The following COQ5 variants were observed in gnomAD, a reference collection of about 807,000 sequenced individuals.
COQ5 encodes the protein 2-methoxy-6-polyprenyl-1,4-benzoquinol methylase, mitochondrial.
COQ5 carries 27 observed loss-of-function variants against 40.5 expected under a neutral mutation model. That is an observed-to-expected ratio of 0.67 (90% CI 0.49 to 0.92). COQ5 has a LOEUF of 0.92. COQ5 is among the 40% of genes least tolerant of loss of function. COQ5 has a pLI of 0.00. For missense variants in COQ5, 409 were observed against 406.4 expected (o/e 1.01, Z -0.06); for synonymous variants, 141 against 150.0 (o/e 0.94, Z 0.44).
At chr12:120,526,238 T>G (rs1869937033) in intron 1 of COQ5, among the ~76,000 whole-genome samples, 1 of 152,216 alleles carries the variant, frequency 6.6e-6, no homozygotes, top group Admixed American at 6.6e-5. Context: ...TTGTATTGCC[T>G]CTTTATCTTT....
Position 120,503,865 on chromosome 12 carries a change from T to C in COQ5, c.903A>G (p.Ile301Met), listed in dbSNP as rs1479569292. 6.2e-7 allele frequency: 1 copy of C among 1,614,100 alleles called. No individual in the cohort carries two copies. The highest frequency in any genetic ancestry group is 8.5e-7 in the Non-Finnish European group (1 of 1,179,914). Residue 301 changes from isoleucine to methionine, a missense_variant, in exon 7 of 7, where the codon ATA (isoleucine) becomes ATG (methionine). By Grantham distance (10) the Ile-to-Met change is conservative. Transcript: ENST00000288532. The stretch of plus-strand genomic sequence containing the variant: ...TCACCTTGTGAAAGCCTGCATCTTC[T>C]ATCATGTCCTTGAACTCTTCCTGAA... ...FPSQEEFKDM[I>M]EDAGFHKVTY...
chr12:120,522,806 A>G (rs1869733768), intron 1 of COQ5: 5 of 669,802 alleles, frequency 7.5e-6, no homozygotes, highest in Non-Finnish European at 1.3e-5. Flanking sequence ...ACATTTCCCA[A>G]GCCTGGGGGT....
chr12:120,522,408 C>G, intron 1 of COQ5, 45 bp from the exon 2 acceptor site: 2 of 1,598,098 alleles, frequency 1.3e-6, no homozygotes, highest in Non-Finnish European at 1.7e-6. Flanking sequence ...AACAGAATTC[C>G]CTTAGAAAAA....
At chr12:120,522,611 C>A in intron 1 of COQ5, 1 of 649,452 alleles carries the variant, frequency 1.5e-6, no homozygotes. Flanking sequence ...GATGGCAGTC[C>A]AGGGGGGTCA....
At chr12:120,523,134 C>T (rs541423834) in intron 1 of COQ5, 5 of 281,984 alleles carry the variant, frequency 1.8e-5, no homozygotes, top group East Asian at 6.6e-5. Context: ...GTCAGGAGAT[C>T]GAGACCATCC....
Position 120,508,736 on chromosome 12 carries a change from A to C in COQ5, c.681+1281T>G, listed in dbSNP as rs372568444. ...TTTTGAACTTTGAACCTATTAAAAA[A>C]TTTTTTTCCCCAGGCGTGGTGGCTC... is the stretch of plus-strand genomic sequence containing the variant. On this transcript the variant is annotated intron_variant, in intron 4 of 6. Transcript: ENST00000288532. Among the ~76,000 whole-genome samples, 52 of 152,122 alleles carry C rather than the reference A, an allele frequency of 3.4e-4. No homozygotes were observed. In the East Asian group the frequency reaches 8.9e-3, roughly 26 times the overall value.
rs369928229 is a variant in COQ5, at chr12:120,505,001, C to A, written c.682-18G>T. On this transcript the variant is annotated intron_variant, in intron 4 of 6. Coordinates refer to ENST00000288532, the MANE Select transcript of COQ5 (RefSeq NM_032314.4). ...TGGAGTGCCTGAGCAAGACAAGGAA[C>A]AACAGGACACACTCCTCAGTAGACC... The A allele has an allele frequency of 1.3e-6, 2 of 1,597,940 alleles. No individual in the cohort carries two copies. The highest frequency in any genetic ancestry group is 8.6e-7 in the Non-Finnish European group (1 of 1,165,508).
chr12:120,521,822 C>A (rs1054408895), intron 2 of COQ5, among the ~76,000 whole-genome samples: 1 of 152,024 alleles, frequency 6.6e-6, no homozygotes, highest in African/African-American at 2.4e-5. Context: ...CACAGTGAAA[C>A]CCCGTCTCTA....
chr12:120,528,332 A>C (rs1036058910), intron 1 of COQ5, among the ~76,000 whole-genome samples: 1 of 152,198 alleles, frequency 6.6e-6, no homozygotes, highest in African/African-American at 2.4e-5. Context: ...CCACTTACTG[A>C]TATGTTCAAC....
chr12:120,522,122 G>A (rs1170312533), intron 2 of COQ5, 92 bp downstream of exon 2: 15 of 1,335,580 alleles, frequency 1.1e-5, no homozygotes, highest in Admixed American at 1.8e-5. Context: ...ACCATCTTCC[G>A]CCTCGTGTTA....
intron 2 of COQ5, among the ~76,000 whole-genome samples, chr12:120,519,870 C>CAAA (rs1176340696): frequency 2.0e-5 from 2 of 99,178 alleles, no homozygotes; most frequent in Non-Finnish European, 4.1e-5. Context: ...GACTTGGACT[C>CAAA]AAAAAAAAAA....
At chr12:120,524,428 T>C (rs1283579863) in intron 1 of COQ5, among the ~76,000 whole-genome samples, 1 of 138,530 alleles carries the variant, frequency 7.2e-6, no homozygotes, top group Non-Finnish European at 1.7e-5. Flanking sequence ...GCCCAGCTAA[T>C]TTTTTGTATT....
At chr12:120,521,771 C>T (rs983121805) in intron 2 of COQ5, among the ~76,000 whole-genome samples, 1 of 151,542 alleles carries the variant, frequency 6.6e-6, no homozygotes, top group African/African-American at 2.4e-5. Flanking sequence ...CCGAGGCAGG[C>T]AGACTGCCTG....
intron 3 of COQ5, among the ~76,000 whole-genome samples, chr12:120,514,406 C>G (rs1331359548): frequency 6.6e-6 from 1 of 152,072 alleles, no homozygotes; most frequent in East Asian, 1.9e-4. Flanking sequence ...CAGTGGCCAT[C>G]TGTGGTCCCT....
intron 2 of COQ5, among the ~76,000 whole-genome samples, chr12:120,519,589 C>T (rs1869546017): frequency 1.3e-5 from 2 of 150,924 alleles, no homozygotes; most frequent in Admixed American, 6.6e-5. Context: ...ATGTGGGATC[C>T]GCCAGGCGTG....
intron 2 of COQ5, among the ~76,000 whole-genome samples, chr12:120,521,206 A>T (rs1052314364): frequency 3.1e-4 from 47 of 151,668 alleles, no homozygotes; most frequent in African/African-American, 1.1e-3. Flanking sequence ...AGCTGGGATT[A>T]CAGGCACCAG....
intron 2 of COQ5, among the ~76,000 whole-genome samples, chr12:120,517,043 A>G (rs1869409681): frequency 7.0e-6 from 1 of 142,608 alleles, no homozygotes; most frequent in African/African-American, 2.4e-5. Context: ...TCATTTCAAC[A>G]CTAACTTTTT....
At position 120,510,058 on chromosome 12, in the gene COQ5, T is replaced by C. The variant is rs761036900; in HGVS notation, c.640A>G (p.Thr214Ala). 31 of 1,613,968 alleles carry C rather than the reference T, an allele frequency of 1.9e-5. No individual in the cohort carries two copies. In the Admixed American group the frequency reaches 3.3e-4, roughly 17 times the overall value. The stretch of plus-strand genomic sequence containing the variant: ...ACATTCCGGATCCCAAAGGCAATGG[T>C]GTAAATATCAAACTTGTCATCATCA... Reference protein sequence around the residue: ...PFDDDKFDIYTIAFGIRNVTH... With the variant: ...PFDDDKFDIYAIAFGIRNVTH... The change falls in exon 4 of 7, where the codon ACC becomes GCC. Residue 214 changes from threonine (T) to alanine (A), a missense_variant. Physicochemically the swap from Thr to Ala is moderately conservative, Grantham distance 58. Transcript: ENST00000288532.
At chr12:120,508,551 A>G (rs1393347185) in intron 4 of COQ5, among the ~76,000 whole-genome samples, 1 of 152,216 alleles carries the variant, frequency 6.6e-6, no homozygotes, top group African/African-American at 2.4e-5. Context: ...TAGGAAAAAA[A>G]AGAAATATCA....
Sources: gnomAD v4.1 joint callset for allele counts (sites outside exome capture counted in the v4.1 genomes callset) on GRCh38, gnomAD v4.1.1 for gene constraint, MANE v1.5 for transcripts, NCBI Gene and HGNC (gene_info 2026-07-23, HGNC 2026-07-21) for gene names.